AKT3: variants seen among roughly 807,000 people sequenced by gnomAD.
AKT3 encodes RAC-gamma serine/threonine-protein kinase.
A neutral mutation model predicts 65.3 loss-of-function variants in AKT3; 15 were observed. The ratio of observed to expected loss-of-function variants is 0.23; its 90% CI spans 0.15 to 0.35. AKT3 has a LOEUF of 0.35. AKT3 is among the 10% of genes least tolerant of loss of function. AKT3 has a pLI of 1.00. For missense variants in AKT3, 243 were observed against 576.5 expected (o/e 0.42, Z 5.92); for synonymous variants, 206 against 183.8 (o/e 1.12, Z -0.98).
intron 8 of AKT3, among the ~76,000 whole-genome samples, chr1:243,573,579 T>C (rs564385993): frequency 1.3e-5 from 2 of 152,322 alleles, no homozygotes; most frequent in East Asian, 3.9e-4. Flanking sequence ...TAGAAAATAA[T>C]TTGACATTTT....
intron 12 of AKT3, 80 bp from the exon 13 acceptor site, chr1:243,512,506 C>T (rs1397884581): frequency 4.6e-5 from 39 of 851,962 alleles, no homozygotes; most frequent in East Asian, 4.5e-4. Flanking sequence ...GCAGAGAGCA[C>T]GTAGTTAAAT....
chr1:243,695,530 G>C, intron 3 of AKT3, 61 bp downstream of exon 3: 1 of 1,448,758 alleles, frequency 6.9e-7, no homozygotes. Context: ...TAAGATATCT[G>C]ACACATAAAA....
rs955876609 is a variant in AKT3, at chr1:243,846,003, C to G, written c.-112-2721G>C. Among the ~76,000 whole-genome samples the G allele has an allele frequency of 3.3e-5, 5 of 152,288 alleles. No homozygotes were observed. The East Asian group carries it at 5.8e-4, about 18-fold the overall frequency. ...ATGAACTCTGAATAGCTTTATAGCT[C>G]TTCCAGAGCTAATATTTATGATTCT... On this transcript the variant is annotated intron_variant, in intron 1 of 13. Coordinates refer to ENST00000673466, the MANE Select transcript of AKT3 (RefSeq NM_005465.7).
At chr1:243,748,748 T>A (rs942254359) in intron 2 of AKT3, among the ~76,000 whole-genome samples, 14 of 152,168 alleles carry the variant, frequency 9.2e-5, no homozygotes, top group African/African-American at 3.4e-4. Flanking sequence ...GTAGTTTAGT[T>A]ATATGAATAA....
intron 2 of AKT3, among the ~76,000 whole-genome samples, chr1:243,776,260 G>C (rs1164413842): frequency 6.6e-6 from 1 of 152,084 alleles, no homozygotes; most frequent in Non-Finnish European, 1.5e-5. Context: ...CATTTTTTAT[G>C]TTAGAGGCAC....
chr1:243,622,409 A>G (rs1290157497), intron 6 of AKT3, among the ~76,000 whole-genome samples: 1 of 152,188 alleles, frequency 6.6e-6, no homozygotes, highest in Non-Finnish European at 1.5e-5. Flanking sequence ...GTAAGTATGG[A>G]TTAGTTTATT....
chr1:243,824,060 C>A (rs995258344), intron 2 of AKT3, among the ~76,000 whole-genome samples: 1 of 152,030 alleles, frequency 6.6e-6, no homozygotes, highest in African/African-American at 2.4e-5. Flanking sequence ...CCAAAACAGA[C>A]ACATAGACCA....
At chr1:243,740,597 TC>T (rs1688093346) in intron 2 of AKT3, 1 of 152,240 alleles carries the variant, frequency 6.6e-6, no homozygotes, top group African/African-American at 2.4e-5. Context: ...ATTGGAACAC[TC>T]ATTAGCTTAC....
chr1:243,573,098 G>C, intron 8 of AKT3, 50 bp from the exon 9 acceptor site: 1 of 1,595,394 alleles, frequency 6.3e-7, no homozygotes, highest in Admixed American at 1.7e-5. Flanking sequence ...TGATTTAGTG[G>C]GGGAAATTAA....
chr1:243,645,182 C>T (rs1003468044), intron 5 of AKT3, among the ~76,000 whole-genome samples: 16 of 152,040 alleles, frequency 1.1e-4, no homozygotes, highest in Non-Finnish European at 2.9e-5. Context: ...TGTTTTCCTC[C>T]CTGAAGATTA....
At chr1:243,709,554 A>G (rs1197174343) in intron 2 of AKT3, among the ~76,000 whole-genome samples, 1 of 151,904 alleles carries the variant, frequency 6.6e-6, no homozygotes, top group East Asian at 1.9e-4. Context: ...GAACTACTAA[A>G]CAGTCTTATT....
chr1:243,615,694 G>C (rs1314828889), intron 6 of AKT3, among the ~76,000 whole-genome samples: 1 of 152,044 alleles, frequency 6.6e-6, no homozygotes, highest in Non-Finnish European at 1.5e-5. Flanking sequence ...AAGGAACAGA[G>C]TATAAAAATA....
At chr1:243,796,659 G>A (rs1692029377) in intron 2 of AKT3, among the ~76,000 whole-genome samples, 1 of 151,978 alleles carries the variant, frequency 6.6e-6, no homozygotes, top group African/African-American at 2.4e-5. Context: ...TGCTATCTCA[G>A]GGCCTTTGCA....
At chr1:243,759,356 A>AAAAATAAAAT (rs530713818) in intron 2 of AKT3, among the ~76,000 whole-genome samples, 1 of 142,494 alleles carries the variant, frequency 7.0e-6, no homozygotes, top group African/African-American at 2.5e-5. Flanking sequence ...AAATTAAATT[A>AAAAATAAAAT]AAAATAAAAT....
intron 8 of AKT3, among the ~76,000 whole-genome samples, chr1:243,596,918 G>A (rs548271680): frequency 1.3e-5 from 2 of 152,214 alleles, no homozygotes; most frequent in East Asian, 3.9e-4. Flanking sequence ...AAAACATTAC[G>A]CAGAATGAAA....
intron 2 of AKT3, among the ~76,000 whole-genome samples, chr1:243,745,227 C>G (rs1300798469): frequency 1.3e-5 from 2 of 151,966 alleles, no homozygotes; most frequent in South Asian, 4.2e-4. Flanking sequence ...ACAGTCCCAG[C>G]TACTCAAGAG....
At chr1:243,707,461 C>T (rs1685875254) in intron 2 of AKT3, among the ~76,000 whole-genome samples, 1 of 152,032 alleles carries the variant, frequency 6.6e-6, no homozygotes, top group African/African-American at 2.4e-5. Flanking sequence ...CAGAAATCAT[C>T]TTTCTTAATT....
At chr1:243,697,396 G>A (rs1558731348) in intron 2 of AKT3, among the ~76,000 whole-genome samples, 1 of 151,872 alleles carries the variant, frequency 6.6e-6, no homozygotes, top group Non-Finnish European at 1.5e-5. Flanking sequence ...GAGATATGAA[G>A]CTGAAAAAGG....
intron 2 of AKT3, among the ~76,000 whole-genome samples, chr1:243,839,314 G>A (rs1056591696): frequency 6.6e-6 from 1 of 152,142 alleles, no homozygotes; most frequent in Non-Finnish European, 1.5e-5. Context: ...GAGTCACCTA[G>A]AACATACCTA....
Sources: gnomAD v4.1 joint callset for allele counts (sites outside exome capture counted in the v4.1 genomes callset) on GRCh38, gnomAD v4.1.1 for gene constraint, MANE v1.5 for transcripts, NCBI Gene and HGNC (gene_info 2026-07-23, HGNC 2026-07-21) for gene names.